Variants in PRDM16 observed in about 807,000 individuals in gnomAD.
PRDM16 encodes PR/SET domain 16, also known as histone-lysine N-methyltransferase PRDM16.
In PRDM16, 23 loss-of-function variants were observed where a neutral mutation model predicts 110.6. The observed-to-expected ratio is 0.21, with a 90% confidence interval of 0.15 to 0.29. PRDM16 has a LOEUF of 0.29. Ranked by LOEUF, PRDM16 falls within the 10% of genes least tolerant of loss-of-function variation. PRDM16 has a pLI of 1.00. For synonymous variants in PRDM16, 799 were observed against 781.8 expected (o/e 1.02, Z -0.37); for missense variants, 1,615 against 1,794.3 (o/e 0.90, Z 1.81).
At position 3,433,782 on chromosome 1, in the gene PRDM16, G is replaced by A; in HGVS notation, c.3802G>A (p.Gly1268Arg). 6.2e-7 allele frequency: 1 copy of A among 1,613,744 alleles called. No homozygotes were observed. Among genetic ancestry groups the A allele is most frequent in the Non-Finnish European group, 8.5e-7 (1 of 1,179,896 alleles). Residue 1268 changes from glycine to arginine, a missense_variant, in exon 17 of 17, where the codon GGA (glycine) becomes AGA (arginine). Transcript: ENST00000270722. ...LKVTGATSES[G>R]AFHPINHL Reference sequence around the variant, plus strand: ...GGTCACTGGAGCCACGTCGGAGTCTGGAGCATTTCACCCCATCAACCACCT... The same window carrying A: ...GGTCACTGGAGCCACGTCGGAGTCTAGAGCATTTCACCCCATCAACCACCT...
At chr1:3,139,162 G>A (rs532558002) in intron 1 of PRDM16, among the ~76,000 whole-genome samples, 30 of 149,442 alleles carry the variant, frequency 2.0e-4, no homozygotes, top group African/African-American at 6.9e-4. Flanking sequence ...GTTTCAGAGC[G>A]GACGGTTGCT....
At position 3,233,401 on chromosome 1, in the gene PRDM16, A is replaced by C. The variant is rs189814566; in HGVS notation, c.388-10686A>C. Among the ~76,000 whole-genome samples, 319 of 152,156 alleles carry C rather than the reference A, an allele frequency of 2.1e-3. 1 individual carries two copies. The highest frequency in any genetic ancestry group is 7.1e-3 in the African/African-American group (296 of 41,504). On this transcript the variant is annotated intron_variant, in intron 2 of 16. Transcript: ENST00000270722. ...TGGTGTTGGTTTAAGTGATTGGGGG[A>C]AGGCACAGCGCACCCGCCGGAGCTG...
chr1:3,136,558 G>A (rs960466574), intron 1 of PRDM16, among the ~76,000 whole-genome samples: 3 of 152,292 alleles, frequency 2.0e-5, no homozygotes, highest in East Asian at 1.9e-4. Context: ...GGGTCCACAG[G>A]GGCTCTGGGC....
At chr1:3,252,307 G>A (rs931364173) in intron 3 of PRDM16, among the ~76,000 whole-genome samples, 4 of 152,346 alleles carry the variant, frequency 2.6e-5, no homozygotes, top group East Asian at 1.9e-4. Context: ...GCATTGGGGG[G>A]CTGGGCTCTG....
rs779735049 is a variant in PRDM16, at chr1:3,404,853, C to T, written c.999C>T (p.Ser333=). The T allele has an allele frequency of 1.9e-5, 30 of 1,613,278 alleles. No homozygotes were observed. Among genetic ancestry groups the T allele is most frequent in the Middle Eastern group, 1.6e-4 (1 of 6,084 alleles). Residue 333 remains serine, a synonymous_variant, in exon 7 of 17, where the codon AGC becomes AGT. Coordinates refer to ENST00000270722, the MANE Select transcript of PRDM16 (RefSeq NM_022114.4). The stretch of plus-strand genomic sequence containing the variant: ...TCCGCCACCAGATGTCCCACGACAG[C>T]GGCAAACGCTTCGAATGTGAAAACT... The part of the protein sequence containing the change: ...NLIRHQMSHD[S]GKRFECENCV...
At chr1:3,355,911 C>G (rs1384837686) in intron 3 of PRDM16, among the ~76,000 whole-genome samples, 2 of 152,112 alleles carry the variant, frequency 1.3e-5, no homozygotes, top group East Asian at 3.9e-4. Context: ...CCAAACACCC[C>G]CCAAACACCC....
At chr1:3,315,597 C>T (rs1641582762) in intron 3 of PRDM16, among the ~76,000 whole-genome samples, 1 of 152,082 alleles carries the variant, frequency 6.6e-6, no homozygotes, top group African/African-American at 2.4e-5. Flanking sequence ...TTTAATGAGC[C>T]AAGAGAACAT....
At chr1:3,161,448 G>A (rs1159463518) in intron 1 of PRDM16, among the ~76,000 whole-genome samples, 1 of 152,230 alleles carries the variant, frequency 6.6e-6, no homozygotes, top group African/African-American at 2.4e-5. Flanking sequence ...TCGGGCAATG[G>A]CGTGAGGAGA....
intron 1 of PRDM16, among the ~76,000 whole-genome samples, chr1:3,115,854 C>T (rs1003105419): frequency 1.1e-4 from 17 of 152,232 alleles, no homozygotes; most frequent in African/African-American, 2.2e-4. Flanking sequence ...CTGCCCACCT[C>T]TTCTCTTCTC....
Position 3,209,947 on chromosome 1 carries a change from G to A in PRDM16, c.387+23473G>A, listed in dbSNP as rs763416323. ...TTTCACAGAACTCTTACTTAACATG[G>A]AAAATATCGTAGCATTTTCTAGAGA... On this transcript the variant is annotated intron_variant, in intron 2 of 16. Transcript: ENST00000270722. This position sits in a 1 kb window ranked among gnomAD's most constrained non-coding sequence, Gnocchi z 4.6. Among the ~76,000 whole-genome samples the A allele has an allele frequency of 6.6e-6, 1 of 152,186 alleles. No homozygotes were observed. The highest frequency in any genetic ancestry group is 1.5e-5 in the Non-Finnish European group (1 of 68,034).
At chr1:3,397,855 G>A (rs999772148) in intron 5 of PRDM16, among the ~76,000 whole-genome samples, 2 of 152,176 alleles carry the variant, frequency 1.3e-5, no homozygotes, top group African/African-American at 2.4e-5. Context: ...GGAGAACTCC[G>A]CCTTCATTTA....
chr1:3,429,041 G>A (rs1436327648), intron 14 of PRDM16, among the ~76,000 whole-genome samples: 1 of 152,254 alleles, frequency 6.6e-6, no homozygotes, highest in African/African-American at 2.4e-5. Context: ...GGGTCACATA[G>A]GAGGGCCGAA....
chr1:3,085,948 G>A (rs933115648), intron 1 of PRDM16, among the ~76,000 whole-genome samples: 3 of 152,354 alleles, frequency 2.0e-5, no homozygotes, highest in Non-Finnish European at 1.5e-5. Context: ...GTGGGTTCAC[G>A]TTGACAGAGG....
intron 2 of PRDM16, among the ~76,000 whole-genome samples, chr1:3,221,660 C>A (rs1639153168): frequency 6.6e-6 from 1 of 152,198 alleles, no homozygotes; most frequent in Non-Finnish European, 1.5e-5. Context: ...GCCTGCCCGG[C>A]CCTGAAATGT....
intron 8 of PRDM16, 100 bp downstream of exon 8, chr1:3,405,748 G>A: frequency 7.7e-7 from 1 of 1,296,960 alleles, no homozygotes; most frequent in Non-Finnish European, 1.0e-6. Context: ...CCCGATCCGA[G>A]GGGCCCCAGT....
intron 5 of PRDM16, among the ~76,000 whole-genome samples, chr1:3,398,938 C>T (rs1423159511): frequency 1.3e-5 from 2 of 152,210 alleles, no homozygotes; most frequent in African/African-American, 2.4e-5. Context: ...CAGCCCGCTT[C>T]GGGAGAACCG....
intron 3 of PRDM16, among the ~76,000 whole-genome samples, chr1:3,295,952 A>T (rs866730119): frequency 6.6e-6 from 1 of 151,958 alleles, no homozygotes; most frequent in East Asian, 1.9e-4. Flanking sequence ...GCCCTCCCCA[A>T]TCAGAAGAGC....
At position 3,157,716 on chromosome 1, in the gene PRDM16, C is replaced by T. The variant is rs1643869930; in HGVS notation, c.38-28409C>T. ...ACTGGGAGGCGTCTCAGCAAATACC[C>T]ACAGGAGGCTGTGTTTGGCCACTAG... is the stretch of plus-strand genomic sequence containing the variant. On this transcript the variant is annotated intron_variant, in intron 1 of 16. Coordinates refer to ENST00000270722, the MANE Select transcript of PRDM16 (RefSeq NM_022114.4). This position sits in a 1 kb window ranked among gnomAD's most constrained non-coding sequence, Gnocchi z 4.8. 6.6e-6 allele frequency among the ~76,000 whole-genome samples: 1 copy of T among 152,152 alleles called. No individual in the cohort carries two copies. The highest frequency in any genetic ancestry group is 2.1e-4 in the South Asian group (1 of 4,826).
chr1:3,238,375 G>C (rs1411852873), intron 2 of PRDM16, among the ~76,000 whole-genome samples: 1 of 152,198 alleles, frequency 6.6e-6, no homozygotes, highest in East Asian at 1.9e-4. Context: ...GGAGTAAAGA[G>C]AGAGCCTCCA....
Sources: allele counts gnomAD v4.1 joint callset (sites outside exome capture counted in the v4.1 genomes callset), GRCh38; gene constraint gnomAD v4.1.1; non-coding constraint Gnocchi (gnomAD v3.1); transcripts MANE v1.5; gene names NCBI Gene and HGNC (gene_info 2026-07-23, HGNC 2026-07-21).